Variants in ITFG1 observed in about 807,000 individuals in gnomAD.
The protein encoded by ITFG1 is integrin alpha FG-GAP repeat containing 1.
A neutral mutation model predicts 81.8 loss-of-function variants in ITFG1; 34 were observed. That is an observed-to-expected ratio of 0.42 (90% CI 0.32 to 0.55). The LOEUF is 0.55. ITFG1 is among the 20% of genes least tolerant of loss of function. The pLI, the probability that ITFG1 is intolerant of heterozygous loss-of-function variation, is 0.17. For synonymous variants in ITFG1, 285 were observed against 270.6 expected (o/e 1.05, Z -0.52); for missense variants, 672 against 755.4 (o/e 0.89, Z 1.29).
chr16:47,236,258 G>A lies in ITFG1; in HGVS notation c.1374+1707C>T, dbSNP rs186648954. On this transcript the variant is annotated intron_variant, in intron 13 of 17. Transcript: ENST00000320640. ...TGGGAGGCTGAGGCAGGCGGATCACGAGGTCAGGAGATCGAGACCATCCTG... is the reference window on the plus strand; with the variant it reads ...TGGGAGGCTGAGGCAGGCGGATCACAAGGTCAGGAGATCGAGACCATCCTG... Among the ~76,000 whole-genome samples, 8 of 152,168 alleles carry A rather than the reference G, an allele frequency of 5.3e-5. No homozygotes were observed. In the East Asian group the frequency reaches 1.5e-3, roughly 29 times the overall value.
chr16:47,291,105 G>C (rs1400112006), intron 10 of ITFG1, among the ~76,000 whole-genome samples: 2 of 152,060 alleles, frequency 1.3e-5, no homozygotes, highest in Non-Finnish European at 2.9e-5. Context: ...TTCTAGGAAA[G>C]ACATTATTTC....
intron 8 of ITFG1, among the ~76,000 whole-genome samples, chr16:47,320,258 G>C (rs1252523455): frequency 6.6e-6 from 1 of 152,176 alleles, no homozygotes; most frequent in Non-Finnish European, 1.5e-5. Context: ...TTACCTGCCA[G>C]TTTGTAGCAG....
At chr16:47,416,254 T>C (rs1200220944) in intron 6 of ITFG1, among the ~76,000 whole-genome samples, 1 of 151,508 alleles carries the variant, frequency 6.6e-6, no homozygotes, top group African/African-American at 2.4e-5. Flanking sequence ...ACAACATACA[T>C]AACTTAAAAA....
At chr16:47,362,027 C>T (rs564121680) in intron 8 of ITFG1, among the ~76,000 whole-genome samples, 7 of 152,230 alleles carry the variant, frequency 4.6e-5, no homozygotes, top group South Asian at 4.1e-4. Flanking sequence ...AACTTTAAAG[C>T]GTCTCAGTAC....
At chr16:47,432,193 C>T (rs1026639346) in intron 5 of ITFG1, among the ~76,000 whole-genome samples, 1 of 152,200 alleles carries the variant, frequency 6.6e-6, no homozygotes, top group Non-Finnish European at 1.5e-5. Flanking sequence ...TTCTTCTCTA[C>T]TGCAGTTAGA....
At chr16:47,166,681 T>C (rs1964893252) in intron 14 of ITFG1, among the ~76,000 whole-genome samples, 1 of 152,140 alleles carries the variant, frequency 6.6e-6, no homozygotes, top group South Asian at 2.1e-4. Context: ...TTCCTGCCTA[T>C]ATCTTATTTA....
At chr16:47,182,053 A>C (rs11641908) in intron 14 of ITFG1, among the ~76,000 whole-genome samples, 1 of 152,112 alleles carries the variant, frequency 6.6e-6, no homozygotes, top group African/African-American at 2.4e-5. Context: ...GCGGAAGGCC[A>C]CAGGGTCCTC....
intron 10 of ITFG1, among the ~76,000 whole-genome samples, chr16:47,291,013 T>C (rs2151554655): frequency 0.05 from 1 of 20 alleles, no homozygotes; most frequent in Non-Finnish European, 0.17. Context: ...GTGAATATTG[T>C]CCTGTGGCCT....
intron 8 of ITFG1, among the ~76,000 whole-genome samples, chr16:47,362,939 C>T (rs752386500): frequency 1.3e-5 from 2 of 152,012 alleles, no homozygotes; most frequent in African/African-American, 2.4e-5. Flanking sequence ...TCTGTCCACC[C>T]AGGTTGGAGT....
intron 8 of ITFG1, among the ~76,000 whole-genome samples, chr16:47,321,218 C>T (rs183750915): frequency 3.3e-4 from 50 of 152,198 alleles, no homozygotes; most frequent in African/African-American, 1.1e-3. Context: ...GAATTCAAGG[C>T]TTTTAATATG....
intron 8 of ITFG1, among the ~76,000 whole-genome samples, chr16:47,343,878 C>G (rs1967816966): frequency 6.6e-6 from 1 of 152,098 alleles, no homozygotes; most frequent in South Asian, 2.1e-4. Context: ...TTCACATAGA[C>G]TACAGCATTA....
At chr16:47,253,077 C>T (rs2151539548) in intron 12 of ITFG1, among the ~76,000 whole-genome samples, 1 of 152,190 alleles carries the variant, frequency 6.6e-6, no homozygotes, top group Middle Eastern at 3.4e-3. Context: ...CTATGGGTCT[C>T]AGCTTGGAGA....
At chr16:47,439,678 G>A (rs1240201067) in intron 5 of ITFG1, among the ~76,000 whole-genome samples, 1 of 152,172 alleles carries the variant, frequency 6.6e-6, no homozygotes, top group Non-Finnish European at 1.5e-5. Context: ...AAGAGCTCCT[G>A]AAGGAAGCAC....
At chr16:47,377,559 G>T (rs1968342893) in intron 6 of ITFG1, among the ~76,000 whole-genome samples, 1 of 152,084 alleles carries the variant, frequency 6.6e-6, no homozygotes, top group South Asian at 2.1e-4. Flanking sequence ...ACCTCTGTTT[G>T]CCTCTGTACA....
intron 8 of ITFG1, among the ~76,000 whole-genome samples, chr16:47,334,708 T>A (rs1409996035): frequency 6.6e-6 from 1 of 152,180 alleles, no homozygotes; most frequent in African/African-American, 2.4e-5. Flanking sequence ...TTCCCCACCC[T>A]GAGTTATAGC....
intron 6 of ITFG1, among the ~76,000 whole-genome samples, chr16:47,417,154 G>C (rs1968885458): frequency 6.6e-6 from 1 of 152,274 alleles, no homozygotes; most frequent in African/African-American, 2.4e-5. Flanking sequence ...GCATGAGGCA[G>C]GTACTCTGAA....
At chr16:47,342,044 A>G (rs1302888783) in intron 8 of ITFG1, among the ~76,000 whole-genome samples, 1 of 152,204 alleles carries the variant, frequency 6.6e-6, no homozygotes, top group African/African-American at 2.4e-5. Context: ...AAGAAGAGGA[A>G]GAAACACTTC....
chr16:47,377,533 T>A (rs1968342393), intron 6 of ITFG1, among the ~76,000 whole-genome samples: 2 of 152,142 alleles, frequency 1.3e-5, no homozygotes, highest in Admixed American at 1.3e-4. Flanking sequence ...GTCGCCAGAT[T>A]TTATCATGTT....
chr16:47,421,698 C>T (rs190698572), intron 6 of ITFG1, among the ~76,000 whole-genome samples: 201 of 152,192 alleles, frequency 1.3e-3, no homozygotes, highest in African/African-American at 4.6e-3. Context: ...TAAAATTATA[C>T]TTTAAGTTCT....
Sources: allele counts gnomAD v4.1 joint callset (sites outside exome capture counted in the v4.1 genomes callset), GRCh38; gene constraint gnomAD v4.1.1; transcripts MANE v1.5; gene names NCBI Gene and HGNC (gene_info 2026-07-23, HGNC 2026-07-21).